ZNF791: variants seen among roughly 807,000 people sequenced by gnomAD.
The protein encoded by ZNF791 is zinc finger protein 791.
ZNF791 carries 4 observed loss-of-function variants against 11.5 expected under a neutral mutation model. The ratio of observed to expected loss-of-function variants is 0.35; its 90% CI spans 0.17 to 0.80. The LOEUF is 0.80. Among genes scored for constraint, ZNF791 ranks in the 30% least tolerant of loss-of-function variants. ZNF791 has a pLI of 0.53. For synonymous variants in ZNF791, 212 were observed against 228.1 expected (o/e 0.93, Z 0.64); for missense variants, 559 against 699.4 (o/e 0.80, Z 2.26).
chr19:12,611,570 T>G (rs1372869204), intron 1 of ZNF791, among the ~76,000 whole-genome samples: 2 of 152,236 alleles, frequency 1.3e-5, no homozygotes, highest in Non-Finnish European at 2.9e-5. Context: ...TCACCAACTC[T>G]TTGTCCTGTG....
Position 12,633,376 on chromosome 19 carries a change from G to A in ZNF791, c.*4116G>A, listed in dbSNP as rs1434849305. On this transcript the variant is annotated 3_prime_UTR_variant, in exon 4 of 4. Coordinates refer to ENST00000343325, the MANE Select transcript of ZNF791 (RefSeq NM_153358.3). The stretch of plus-strand genomic sequence containing the variant: ...TTTCCTAGAATCTGTTCCCTTTATA[G>A]ATCCATGTTGAAATTCACTTATAGC... 6.6e-6 allele frequency: 1 copy of A among 152,040 alleles called. No individual in the cohort carries two copies. Among genetic ancestry groups the A allele is most frequent in the Non-Finnish European group, 1.5e-5 (1 of 68,012 alleles). The allele number at this position is 152,040 out of a possible 1,614,324, so 9.4% of individuals were successfully genotyped here.
At chr19:12,619,803 A>G (rs540704048) in intron 1 of ZNF791, among the ~76,000 whole-genome samples, 2 of 151,152 alleles carry the variant, frequency 1.3e-5, no homozygotes, top group African/African-American at 4.9e-5. Flanking sequence ...TGAAGTGGGA[A>G]CTATTTGACA....
chr19:12,620,754 CT>C (rs1051381342), intron 1 of ZNF791, among the ~76,000 whole-genome samples: 114 of 83,436 alleles, frequency 1.4e-3, no homozygotes, highest in African/African-American at 4.4e-3. Context: ...GATTTATGTT[CT>C]TTTTTTTTTT....
intron 3 of ZNF791, 121 bp from the exon 4 acceptor site, chr19:12,627,599 CT>C (rs1215550316): frequency 1.1e-6 from 1 of 898,908 alleles, no homozygotes; most frequent in Non-Finnish European, 1.7e-6. Context: ...GCACTCCAGC[CT>C]GGGGAACAAG....
chr19:12,616,141 T>C (rs2023242466), intron 1 of ZNF791, among the ~76,000 whole-genome samples: 1 of 152,230 alleles, frequency 6.6e-6, no homozygotes, highest in South Asian at 2.1e-4. Context: ...TAAAGTGATA[T>C]CTCTTCAGTT....
chr19:12,621,945 C>T (rs2023356276), intron 1 of ZNF791, among the ~76,000 whole-genome samples: 1 of 122,332 alleles, frequency 8.2e-6, no homozygotes, highest in Non-Finnish European at 1.8e-5. Flanking sequence ...ATTGAGAAAT[C>T]GGATGGTTGC....
At chr19:12,611,169 G>A in intron 1 of ZNF791, 87 bp downstream of exon 1, 3 of 1,559,124 alleles carry the variant, frequency 1.9e-6, no homozygotes, top group Non-Finnish European at 1.8e-6. Flanking sequence ...GCAGTGTGGG[G>A]CTGGGCTGGC....
intron 1 of ZNF791, among the ~76,000 whole-genome samples, chr19:12,615,503 G>A (rs2023233476): frequency 6.6e-6 from 1 of 151,956 alleles, no homozygotes; most frequent in African/African-American, 2.4e-5. Context: ...TGTACCGGCC[G>A]GGCACGATGG....
rs1320197032 is a variant in ZNF791, at chr19:12,629,097, C to A, written c.1568C>A (p.Pro523His). Residue 523 changes from proline to histidine, a missense_variant, in exon 4 of 4, where the codon CCC (proline) becomes CAC (histidine). Pro to His is a moderately conservative substitution (Grantham distance 77). Transcript: ENST00000343325. ...ATGAGAATGCATACTGGAGAGAAAC[C>A]CTATAAATGTAAAGAATGTGGGAAG... ...GHMRMHTGEK[P>H]YKCKECGKAF... 6.2e-7 allele frequency: 1 copy of A among 1,605,780 alleles called. No individual in the cohort carries two copies. Among genetic ancestry groups the A allele is most frequent in the Non-Finnish European group, 8.5e-7 (1 of 1,176,662 alleles).
chr19:12,617,458 T>C (rs1299096049), intron 1 of ZNF791, among the ~76,000 whole-genome samples: 1 of 152,180 alleles, frequency 6.6e-6, no homozygotes, highest in African/African-American at 2.4e-5. Context: ...TTTTGATTCA[T>C]GTTTAGAACT....
chr19:12,615,929 A>C (rs1011575746), intron 1 of ZNF791, among the ~76,000 whole-genome samples: 5 of 152,150 alleles, frequency 3.3e-5, no homozygotes, highest in African/African-American at 7.2e-5. Context: ...GTATTTTTCA[A>C]CTCATGTGAG....
chr19:12,618,161 AC>A (rs2023276376), intron 1 of ZNF791, among the ~76,000 whole-genome samples: 2 of 151,726 alleles, frequency 1.3e-5, no homozygotes, highest in South Asian at 4.2e-4. Flanking sequence ...CAGGTGATCC[AC>A]CCACCTTGGC....
chr19:12,626,593 GTATTT>G (rs1236860143), intron 3 of ZNF791, among the ~76,000 whole-genome samples: 1 of 151,880 alleles, frequency 6.6e-6, no homozygotes, highest in Non-Finnish European at 1.5e-5. Context: ...TGTGGAAACA[GTATTT>G]TATTTTATTT....
chr19:12,615,361 G>A (rs1293146281), intron 1 of ZNF791, among the ~76,000 whole-genome samples: 1 of 152,058 alleles, frequency 6.6e-6, no homozygotes, highest in Non-Finnish European at 1.5e-5. Flanking sequence ...TGTAATACAC[G>A]TGGAGTTATT....
chr19:12,621,821 G>A (rs1236977625), intron 1 of ZNF791, among the ~76,000 whole-genome samples: 8 of 136,372 alleles, frequency 5.9e-5, no homozygotes, highest in Non-Finnish European at 8.0e-5. Context: ...GGTGAGGGGC[G>A]CCTCTGCCCG....
chr19:12,611,185 G>T, intron 1 of ZNF791, 103 bp downstream of exon 1: 1 of 1,497,816 alleles, frequency 6.7e-7, no homozygotes, highest in Non-Finnish European at 9.1e-7. Flanking sequence ...CTGGCAGCTG[G>T]AACTCCAAGC....
In ZNF791 at chr19:12,628,844, C is replaced by T. The variant is rs755344410; in HGVS notation, c.1315C>T (p.Pro439Ser). The stretch of plus-strand genomic sequence containing the variant: ...CATGATCACCCACACTGGAGACGGA[C>T]CTTATAAATGTAGGGACTGTGGGAA... The part of the protein sequence containing the change: ...RHMITHTGDG[P>S]YKCRDCGKVF... The change falls in exon 4 of 4, where the codon CCT (proline) becomes TCT (serine). Residue 439 changes from proline to serine, a missense_variant. Pro to Ser is a moderately conservative substitution (Grantham distance 74). Transcript: ENST00000343325. 29 of 1,613,796 alleles carry T rather than the reference C, an allele frequency of 1.8e-5. No homozygotes were observed. In the South Asian group the frequency reaches 3.2e-4, roughly 18 times the overall value.
chr19:12,626,188 T>C (rs1568289808), intron 3 of ZNF791, among the ~76,000 whole-genome samples: 1 of 152,238 alleles, frequency 6.6e-6, no homozygotes, highest in East Asian at 1.9e-4. Context: ...GGCTAATTTT[T>C]GTGTTTTTAG....
chr19:12,627,228 T>A (rs916911280), intron 3 of ZNF791, among the ~76,000 whole-genome samples: 30 of 152,240 alleles, frequency 2.0e-4, no homozygotes, highest in African/African-American at 7.0e-4. Flanking sequence ...ATTACTGTTT[T>A]GATAATAGCT....
Sources: gnomAD v4.1 joint callset for allele counts (sites outside exome capture counted in the v4.1 genomes callset) on GRCh38, gnomAD v4.1.1 for gene constraint, MANE v1.5 for transcripts, NCBI Gene and HGNC (gene_info 2026-07-23, HGNC 2026-07-21) for gene names.